Variants in ZNRF1 observed in about 807,000 individuals in gnomAD.
The protein encoded by ZNRF1 is E3 ubiquitin-protein ligase ZNRF1.
A neutral mutation model predicts 18.4 loss-of-function variants in ZNRF1; 3 were observed. The observed-to-expected ratio is 0.16, with a 90% CI of 0.07 to 0.42. The LOEUF (loss-of-function observed/expected upper bound fraction) is 0.42. Ranked by LOEUF, ZNRF1 falls within the 10% of genes least tolerant of loss-of-function variation. ZNRF1 has a pLI of 0.99. For missense variants in ZNRF1, 310 were observed against 329.8 expected (o/e 0.94, Z 0.47); for synonymous variants, 157 against 144.2 (o/e 1.09, Z -0.64).
chr16:75,095,706 C>T, intron 2 of ZNRF1: 1 of 1,548,792 alleles, frequency 6.5e-7, no homozygotes, highest in Non-Finnish European at 8.7e-7. Flanking sequence ...GCCCCCATGG[C>T]CCAAATGCAG....
At chr16:75,034,604 C>T (rs1031504804) in intron 1 of ZNRF1, among the ~76,000 whole-genome samples, 1 of 152,036 alleles carries the variant, frequency 6.6e-6, no homozygotes, top group African/African-American at 2.4e-5. Flanking sequence ...CCTTTAAGAC[C>T]CTGCTTTCCG....
chr16:75,006,772 T>A (rs553690289), intron 1 of ZNRF1, among the ~76,000 whole-genome samples: 45 of 152,252 alleles, frequency 3.0e-4, no homozygotes, highest in African/African-American at 1.0e-3. Context: ...AATATAAATT[T>A]CAGTCTGTTT....
In ZNRF1 at chr16:75,040,753, C is replaced by T. The variant is rs113190512; in HGVS notation, c.424+40658C>T. 1.6e-4 allele frequency among the ~76,000 whole-genome samples: 24 copies of T among 151,448 alleles called. No individual in the cohort carries two copies. The South Asian group carries it at 2.3e-3, about 15-fold the overall frequency. On this transcript the variant is annotated intron_variant, in intron 1 of 4. Transcript: ENST00000335325. Reference sequence around the variant, plus strand: ...TCCTGAGTAGCTGGGATTATGGGTGCGCGCCACCATGCCCAGCTAATTTTT... The same window carrying T: ...TCCTGAGTAGCTGGGATTATGGGTGTGCGCCACCATGCCCAGCTAATTTTT...
At chr16:75,014,676 G>A (rs1405811450) in intron 1 of ZNRF1, among the ~76,000 whole-genome samples, 3 of 152,090 alleles carry the variant, frequency 2.0e-5, no homozygotes, top group Admixed American at 6.6e-5. Flanking sequence ...ATGTGTGCAT[G>A]CGTGCATGTG....
chr16:75,003,529 G>A (rs2034880329), intron 1 of ZNRF1, among the ~76,000 whole-genome samples: 1 of 152,184 alleles, frequency 6.6e-6, no homozygotes, highest in African/African-American at 2.4e-5. Context: ...CAGGTTTGGG[G>A]AGGTTAAGGA....
chr16:75,028,946 G>A (rs1306386253), intron 1 of ZNRF1, among the ~76,000 whole-genome samples: 1 of 152,060 alleles, frequency 6.6e-6, no homozygotes, highest in Non-Finnish European at 1.5e-5. Flanking sequence ...TACCTCAAAT[G>A]TTGAAAGGCA....
intron 1 of ZNRF1, among the ~76,000 whole-genome samples, chr16:75,000,702 C>T (rs1459492433): frequency 6.6e-6 from 1 of 152,330 alleles, no homozygotes; most frequent in African/African-American, 2.4e-5. Flanking sequence ...CGGCGAGTCT[C>T]GCGGGGGCTT....
At chr16:75,002,691 G>A (rs1310099290) in intron 1 of ZNRF1, among the ~76,000 whole-genome samples, 2 of 152,154 alleles carry the variant, frequency 1.3e-5, no homozygotes, top group Non-Finnish European at 2.9e-5. Flanking sequence ...TATCTTTGTC[G>A]TTTTTAAAAT....
intron 1 of ZNRF1, among the ~76,000 whole-genome samples, chr16:75,027,272 TAAAAA>T (rs954113158): frequency 4.7e-5 from 7 of 148,880 alleles, no homozygotes; most frequent in African/African-American, 1.7e-4. Flanking sequence ...CCCTGTCTCT[TAAAAA>T]AAAAAGAAAA....
At chr16:75,090,375 G>A (rs76345177) in intron 1 of ZNRF1, among the ~76,000 whole-genome samples, 9 of 139,616 alleles carry the variant, frequency 6.4e-5, no homozygotes, top group African/African-American at 2.2e-4. Flanking sequence ...TGTTGTTGTT[G>A]TTCTGGTTGT....
At chr16:75,104,117 A>G (rs1429832471) in intron 2 of ZNRF1, 1 of 152,250 alleles carries the variant, frequency 6.6e-6, no homozygotes, top group Non-Finnish European at 1.5e-5. Flanking sequence ...TTTCATATAA[A>G]TGGGTTCATA....
chr16:75,073,118 ATC>A (rs374451771), intron 1 of ZNRF1, among the ~76,000 whole-genome samples: 12,528 of 128,290 alleles, frequency 0.098, 663 homozygotes, highest in East Asian at 0.15. Flanking sequence ...GTGAGACCCC[ATC>A]TCTCTCTCTC....
chr16:75,002,205 C>T (rs980791155), intron 1 of ZNRF1: 7 of 152,216 alleles, frequency 4.6e-5, no homozygotes, highest in Middle Eastern at 3.2e-3. Flanking sequence ...CTTTTATTCA[C>T]ATAAAGTAAT....
chr16:75,024,612 G>A (rs564358601), intron 1 of ZNRF1, among the ~76,000 whole-genome samples: 2 of 152,338 alleles, frequency 1.3e-5, no homozygotes, highest in South Asian at 4.1e-4. Flanking sequence ...TGACAGGAAG[G>A]GGTTTAGAAA....
At chr16:75,033,225 T>G (rs942980541) in intron 1 of ZNRF1, among the ~76,000 whole-genome samples, 4 of 151,248 alleles carry the variant, frequency 2.6e-5, no homozygotes, top group Non-Finnish European at 5.9e-5. Flanking sequence ...GCTTTCAAAT[T>G]TCCATATAAA....
intron 1 of ZNRF1, among the ~76,000 whole-genome samples, chr16:75,060,122 C>T (rs1160613741): frequency 1.3e-5 from 2 of 152,048 alleles, no homozygotes; most frequent in South Asian, 2.1e-4. Flanking sequence ...GACACGATCT[C>T]GGCTCACTGC....
chr16:75,031,475 A>T (rs2156276), intron 1 of ZNRF1, among the ~76,000 whole-genome samples: 134,235 of 152,010 alleles, frequency 0.88, 59,617 homozygotes, highest in Non-Finnish European at 0.93. Flanking sequence ...TTAAAAAAAA[A>T]TTTTTTTTCT....
intron 1 of ZNRF1, among the ~76,000 whole-genome samples, chr16:75,020,691 G>A (rs759219953): frequency 1.1e-4 from 16 of 151,842 alleles, no homozygotes; most frequent in Non-Finnish European, 1.9e-4. Context: ...ACAGGCGCTC[G>A]CCACCACACC....
intron 1 of ZNRF1, among the ~76,000 whole-genome samples, chr16:75,034,529 G>A (rs900529052): frequency 2.0e-5 from 3 of 152,222 alleles, no homozygotes; most frequent in Admixed American, 6.5e-5. Context: ...TGCATTTATG[G>A]ACACTTGAGT....
Sources: gnomAD v4.1 joint callset for allele counts (sites outside exome capture counted in the v4.1 genomes callset) on GRCh38, gnomAD v4.1.1 for gene constraint, MANE v1.5 for transcripts, NCBI Gene and HGNC (gene_info 2026-07-23, HGNC 2026-07-21) for gene names.